Variants in ANKRD46 observed in about 807,000 individuals in gnomAD.
ANKRD46 encodes the protein ankyrin repeat domain 46, also known as ankyrin repeat domain-containing protein 46.
Under a neutral mutation model 19.8 loss-of-function variants are expected in ANKRD46, and 13 were observed. The ratio of observed to expected loss-of-function variants is 0.66; its 90% confidence interval spans 0.43 to 1.04. ANKRD46 has a LOEUF of 1.04. ANKRD46 is among the 50% of genes least tolerant of loss of function. The pLI is 0.00. For synonymous variants in ANKRD46, 91 were observed against 106.9 expected, an observed-to-expected ratio of 0.85 and a Z score of 0.92; for missense variants, 185 against 274.8, an observed-to-expected ratio of 0.67 and a Z score of 2.31.
chr8:100,522,983 A>C (rs1394602099), intron 4 of ANKRD46, among the ~76,000 whole-genome samples: 1 of 151,710 alleles, frequency 6.6e-6, no homozygotes, highest in Non-Finnish European at 1.5e-5. Context: ...AATGGTAATG[A>C]GTATGTTTCT....
Position 100,553,507 on chromosome 8 carries a change from C to T in ANKRD46, c.-131+6204G>A, listed in dbSNP as rs1812435328. On this transcript the variant is annotated intron_variant, in intron 1 of 4. Transcript: ENST00000335659. The stretch of plus-strand genomic sequence containing the variant: ...GTGGCTCATGCCTGTAATCCTAGCA[C>T]TTTGGGAGGCCACAGCAGATCACTT... 3.3e-5 allele frequency among the ~76,000 whole-genome samples: 5 copies of T among 152,140 alleles called. No individual in the cohort carries two copies. In the South Asian group the frequency reaches 1.0e-3, roughly 32 times the overall value.
rs981535913 is a variant in ANKRD46 at position 100,545,853 on chromosome 8, T to C, written c.-130-12542A>G. ...GACTTTTTGGGAACTGGAGTAAAGGTCACTCATGCTATGCTTTAGCAAAAA... is the reference window on the plus strand; with the variant it reads ...GACTTTTTGGGAACTGGAGTAAAGGCCACTCATGCTATGCTTTAGCAAAAA... On this transcript the variant is annotated intron_variant, in intron 1 of 4. Transcript: ENST00000335659. This position sits in a 1 kb window ranked among gnomAD's most constrained non-coding sequence, Gnocchi z 4.7. Among the ~76,000 whole-genome samples, 1 of 152,180 alleles carries C rather than the reference T, an allele frequency of 6.6e-6. No individual in the cohort carries two copies. Among genetic ancestry groups the C allele is most frequent in the African/African-American group, 2.4e-5 (1 of 41,452 alleles).
At chr8:100,542,639 A>C (rs1390340355) in intron 1 of ANKRD46, among the ~76,000 whole-genome samples, 1 of 151,938 alleles carries the variant, frequency 6.6e-6, no homozygotes, top group Non-Finnish European at 1.5e-5. Flanking sequence ...GTCTTTTTTG[A>C]GAGTAGGAAG....
At chr8:100,528,586 C>A (rs1404025012) in intron 3 of ANKRD46, among the ~76,000 whole-genome samples, 1 of 147,136 alleles carries the variant, frequency 6.8e-6, no homozygotes, top group East Asian at 2.0e-4. Context: ...GTGGATAAAT[C>A]TAGTTCTAGA....
intron 1 of ANKRD46, chr8:100,551,266 A>G (rs547584717): frequency 2.0e-4 from 99 of 490,612 alleles, no homozygotes; most frequent in African/African-American, 1.8e-3. Context: ...GTGGTACAGA[A>G]GGCATTGCTG....
chr8:100,535,488 C>T lies in ANKRD46; in HGVS notation c.-130-2177G>A, dbSNP rs558032768. ...TACTGACATTGATATAGTCAAGATA[C>T]AGAACATTTCCATCACCATGAAAAA... On this transcript the variant is annotated intron_variant, in intron 1 of 4. Transcript: ENST00000335659. Among the ~76,000 whole-genome samples, 17 of 152,336 alleles carry T rather than the reference C, an allele frequency of 1.1e-4. 1 individual carries two copies. The South Asian group carries it at 2.5e-3, about 22-fold the overall frequency.
rs879637495 is a variant in ANKRD46 at position 100,527,700 on chromosome 8, T to TA, written c.470+144dup. On this transcript the variant is annotated intron_variant, in intron 4 of 4. Coordinates refer to ENST00000335659, the MANE Select transcript of ANKRD46 (RefSeq NM_001270377.2). This position sits in a 1 kb window ranked among gnomAD's most constrained non-coding sequence, Gnocchi z 4.0. ...CACATACTTAAAGTGACTTTCCCCTTAAAAAATCGTATTATCTTGCTGGGT... is the reference window on the plus strand; with the variant it reads ...CACATACTTAAAGTGACTTTCCCCTTAAAAAAATCGTATTATCTTGCTGGGT... 5.3e-6 allele frequency: 4 copies of TA among 755,584 alleles called. No individual in the cohort carries two copies. Among genetic ancestry groups the TA allele is most frequent in the Admixed American group, 3.2e-5 (1 of 31,016 alleles). 46.8% of individuals were successfully genotyped at this position (755,584 alleles called of 1,614,324 possible).
In ANKRD46 at chr8:100,529,451, C is replaced by G. The variant is rs1391550402; in HGVS notation, c.311+72G>C. 4 of 1,448,432 alleles carry G rather than the reference C, an allele frequency of 2.8e-6. No individual in the cohort carries two copies. In the East Asian group the frequency reaches 6.9e-5, roughly 25 times the overall value. The allele number at this position is 1,448,432 out of a possible 1,614,324, so 89.7% of individuals were successfully genotyped here. On this transcript the variant is annotated intron_variant, in intron 3 of 4. Coordinates refer to ENST00000335659, the MANE Select transcript of ANKRD46 (RefSeq NM_001270377.2). The surrounding 1 kb of genome is among the most constrained non-coding windows in gnomAD (Gnocchi z 5.8). ...TAATGAGGAAACAAAACCAACAGACCCAAGATAAGATTATCAGTTGAGAGA... is the reference window on the plus strand; with the variant it reads ...TAATGAGGAAACAAAACCAACAGACGCAAGATAAGATTATCAGTTGAGAGA...
chr8:100,512,877 A>G (rs184057395), intron 5 of ANKRD46, among the ~76,000 whole-genome samples: 11 of 152,286 alleles, frequency 7.2e-5, no homozygotes, highest in Admixed American at 4.6e-4. Context: ...TCCCTGTTCA[A>G]TGTAAACCTG....
chr8:100,556,085 A>G (rs772688960), intron 1 of ANKRD46, among the ~76,000 whole-genome samples: 2 of 152,188 alleles, frequency 1.3e-5, no homozygotes, highest in Non-Finnish European at 2.9e-5. Flanking sequence ...CAGTGGCTCA[A>G]TCATGGCTCA....
Position 100,527,938 on chromosome 8 carries a change from CG to C in ANKRD46, c.376del (p.Arg126AspfsTer11). On this transcript the variant is annotated frameshift_variant, in exon 4 of 5. Transcript: ENST00000335659. LOFTEE classifies it high-confidence loss of function. The surrounding 1 kb of genome is among the most constrained non-coding windows in gnomAD (Gnocchi z 4.0). ...KRRGVNKDVI[R>X]LLESLEEQEV... is the part of the protein sequence containing the mutation. The stretch of plus-strand genomic sequence containing the variant: ...CTGTTCTTCCAAAGATTCCAGCAAT[CG>C]GATGACATCTTTATTTACTCCTCTG... The C allele has an allele frequency of 6.2e-7, 1 of 1,609,186 alleles. No homozygotes were observed. Among genetic ancestry groups the C allele is most frequent in the Non-Finnish European group, 8.5e-7 (1 of 1,179,366 alleles).
chr8:100,540,110 A>G (rs1812146679), intron 1 of ANKRD46, among the ~76,000 whole-genome samples: 1 of 151,958 alleles, frequency 6.6e-6, no homozygotes, highest in African/African-American at 2.4e-5. Flanking sequence ...GCACAGTTCT[A>G]AGTGTTTTTC....
rs191687426 is a variant in ANKRD46 at position 100,531,698 on chromosome 8, C to T, written c.-28+1511G>A. The stretch of plus-strand genomic sequence containing the variant: ...TTGCTCTGTCACCCAGGCTGGAGTG[C>T]GGTGGTACAATCATGGCTCACTGCA... On this transcript the variant is annotated intron_variant, in intron 2 of 4. Coordinates refer to ENST00000335659, the MANE Select transcript of ANKRD46 (RefSeq NM_001270377.2). Among the ~76,000 whole-genome samples, 10 of 152,204 alleles carry T rather than the reference C, an allele frequency of 6.6e-5. No individual in the cohort carries two copies. In the East Asian group the frequency reaches 1.3e-3, roughly 21 times the overall value.
Position 100,529,860 on chromosome 8 carries a change from C to A in ANKRD46, c.-27G>T, listed in dbSNP as rs1271793958. On this transcript the variant is annotated splice_region_variant and 5_prime_UTR_variant, in exon 3 of 5. Coordinates refer to ENST00000335659, the MANE Select transcript of ANKRD46 (RefSeq NM_001270377.2). This position sits in a 1 kb window ranked among gnomAD's most constrained non-coding sequence, Gnocchi z 5.8. ...GTTCTGATGTGGTGGATGGAACACG[C>A]CTGTAATGAAATAGGTGAGTGAGAT... The A allele has an allele frequency of 1.3e-6, 2 of 1,596,886 alleles. No homozygotes were observed. Among genetic ancestry groups the A allele is most frequent in the Admixed American group, 1.7e-5 (1 of 59,212 alleles).
rs1319363452 is a variant in ANKRD46, at chr8:100,534,392, G to A, written c.-130-1081C>T. ...ACATGATAACACACAAAACATCTAC[G>A]CTCCTCATTTCCTACTTCTTTTGTG... On this transcript the variant is annotated intron_variant, in intron 1 of 4. Coordinates refer to ENST00000335659, the MANE Select transcript of ANKRD46 (RefSeq NM_001270377.2). The surrounding 1 kb of genome is among the most constrained non-coding windows in gnomAD (Gnocchi z 4.2). Among the ~76,000 whole-genome samples, 1 of 152,124 alleles carries A rather than the reference G, an allele frequency of 6.6e-6. No homozygotes were observed. Among genetic ancestry groups the A allele is most frequent in the East Asian group, 1.9e-4 (1 of 5,204 alleles).
intron 1 of ANKRD46, among the ~76,000 whole-genome samples, chr8:100,538,054 C>CTA: frequency 6.6e-6 from 1 of 152,298 alleles, no homozygotes; most frequent in East Asian, 1.9e-4. Context: ...TCTGATTTGT[C>CTA]TATATATACT....
chr8:100,513,553 C>A (rs1811582387), intron 5 of ANKRD46, among the ~76,000 whole-genome samples: 1 of 152,184 alleles, frequency 6.6e-6, no homozygotes, highest in East Asian at 1.9e-4. Context: ...GGCTCCAAGT[C>A]TACGTGTTTT....
At chr8:100,551,020 C>G (rs567190603) in intron 1 of ANKRD46, 1 of 518,484 alleles carries the variant, frequency 1.9e-6, no homozygotes, top group Admixed American at 2.2e-5. Context: ...CAGAAGGACA[C>G]GGAAGGCCAT....
intron 2 of ANKRD46, among the ~76,000 whole-genome samples, chr8:100,531,467 C>T (rs999756176): frequency 4.6e-5 from 7 of 152,168 alleles, no homozygotes; most frequent in African/African-American, 1.7e-4. Context: ...CTGCCTTACA[C>T]AAGGGCTCTG....
Sources: gnomAD v4.1 joint callset for allele counts (sites outside exome capture counted in the v4.1 genomes callset) on GRCh38, gnomAD v4.1.1 for gene constraint, Gnocchi (gnomAD v3.1) non-coding constraint, MANE v1.5 for transcripts, NCBI Gene and HGNC (gene_info 2026-07-23, HGNC 2026-07-21) for gene names.